The following ADAMTS20 variants were observed in gnomAD, a reference collection of about 807,000 sequenced individuals.
The protein encoded by ADAMTS20 is ADAM metallopeptidase with thrombospondin type 1 motif 20.
A neutral mutation model predicts 260.1 loss-of-function variants in ADAMTS20; 225 were observed. The ratio of observed to expected loss-of-function variants is 0.87; its 90% CI spans 0.78 to 0.97. The LOEUF is 0.97. Among genes scored for constraint, ADAMTS20 ranks in the 50% least tolerant of loss-of-function variants. The pLI, the probability that ADAMTS20 is intolerant of heterozygous loss-of-function variation, is 0.00. For missense variants in ADAMTS20, 2,400 were observed against 2,337.7 expected (o/e 1.03, Z -0.55); for synonymous variants, 802 against 769.5 (o/e 1.04, Z -0.70).
At chr12:43,431,289 G>T in intron 22 of ADAMTS20, 43 bp downstream of exon 22, 1 of 1,593,348 alleles carries the variant, frequency 6.3e-7, no homozygotes, top group Non-Finnish European at 8.6e-7. Flanking sequence ...GTGCTATTCT[G>T]TAAAGATAGA....
intron 29 of ADAMTS20, among the ~76,000 whole-genome samples, chr12:43,397,417 A>T (rs770255863): frequency 6.6e-6 from 1 of 152,182 alleles, no homozygotes; most frequent in African/African-American, 2.4e-5. Context: ...ATGTGAATGT[A>T]AATAATGGCC....
chr12:43,429,038 T>A (rs1156580015), intron 24 of ADAMTS20, among the ~76,000 whole-genome samples: 2 of 152,054 alleles, frequency 1.3e-5, no homozygotes, highest in Non-Finnish European at 2.9e-5. Flanking sequence ...AATACATAAA[T>A]ATAATGATTT....
At position 43,502,410 on chromosome 12, in the gene ADAMTS20, G is replaced by C; in HGVS notation, c.614-5C>G. 1 of 1,569,028 alleles carries C rather than the reference G, an allele frequency of 6.4e-7. No individual in the cohort carries two copies. The highest frequency in any genetic ancestry group is 1.2e-5 in the South Asian group (1 of 81,604). On this transcript the variant is annotated splice_polypyrimidine_tract_variant and splice_region_variant and intron_variant, in intron 3 of 38. Transcript: ENST00000389420. The stretch of plus-strand genomic sequence containing the variant: ...TGGTTTCCTTTATTTGACTTTCTAG[G>C]GAGAAAAAAAGAATATAATGCAGAG...
intron 37 of ADAMTS20, among the ~76,000 whole-genome samples, chr12:43,362,641 T>C (rs1939895818): frequency 6.6e-6 from 1 of 152,058 alleles, no homozygotes; most frequent in African/African-American, 2.4e-5. Context: ...GTCTCTGAAA[T>C]TTGTTCTATG....
chr12:43,413,196 T>G lies in ADAMTS20; in HGVS notation c.4284+12318A>C, dbSNP rs965408783. Among the ~76,000 whole-genome samples the G allele has an allele frequency of 7.2e-5, 11 of 152,204 alleles. No homozygotes were observed. In the South Asian group the frequency reaches 1.2e-3, roughly 17 times the overall value. On this transcript the variant is annotated intron_variant, in intron 28 of 38. Coordinates refer to ENST00000389420, the MANE Select transcript of ADAMTS20 (RefSeq NM_025003.5). ...AAGAACAGTCACATCATTTACACAT[T>G]ATCATTTACACATGATCATTCACAC...
At chr12:43,475,645 G>A (rs534915369) in intron 7 of ADAMTS20, among the ~76,000 whole-genome samples, 2 of 151,558 alleles carry the variant, frequency 1.3e-5, no homozygotes, top group Non-Finnish European at 2.9e-5. Context: ...CCAAAACAGA[G>A]ATATAGATCA....
At chr12:43,487,715 CA>C (rs1942544278) in intron 7 of ADAMTS20, among the ~76,000 whole-genome samples, 1 of 152,106 alleles carries the variant, frequency 6.6e-6, no homozygotes. Context: ...GAGAACTTGA[CA>C]TGCTGATTCT....
At chr12:43,527,317 C>G (rs1943156952) in intron 3 of ADAMTS20, among the ~76,000 whole-genome samples, 1 of 152,028 alleles carries the variant, frequency 6.6e-6, no homozygotes, top group South Asian at 2.1e-4. Context: ...AATTGAGAAA[C>G]AGGGAATCCT....
intron 28 of ADAMTS20, among the ~76,000 whole-genome samples, chr12:43,412,627 T>G (rs1402842605): frequency 6.6e-6 from 1 of 152,058 alleles, no homozygotes; most frequent in Non-Finnish European, 1.5e-5. Context: ...GGATCCCATT[T>G]GAGCCACTAT....
chr12:43,539,043 C>T (rs1268070219), intron 2 of ADAMTS20, among the ~76,000 whole-genome samples: 1 of 151,590 alleles, frequency 6.6e-6, no homozygotes, highest in Non-Finnish European at 1.5e-5. Context: ...ACCTCCACCA[C>T]CCGGGTTCAA....
At chr12:43,391,972 G>A (rs1259335882) in intron 29 of ADAMTS20, among the ~76,000 whole-genome samples, 1 of 152,054 alleles carries the variant, frequency 6.6e-6, no homozygotes, top group Non-Finnish European at 1.5e-5. Flanking sequence ...TACTTATGAA[G>A]TAAAATATAA....
At chr12:43,399,349 G>C in intron 28 of ADAMTS20, 116 bp from the exon 29 acceptor site, 1 of 918,678 alleles carries the variant, frequency 1.1e-6, no homozygotes, top group East Asian at 3.1e-5. Flanking sequence ...TTTTTATGAA[G>C]ATATGCTCTA....
At chr12:43,394,569 T>G (rs1940661711) in intron 29 of ADAMTS20, among the ~76,000 whole-genome samples, 3 of 152,142 alleles carry the variant, frequency 2.0e-5, no homozygotes, top group Non-Finnish European at 4.4e-5. Context: ...ATTTTTACAT[T>G]AAAAACTTGC....
rs1349758909 is a variant in ADAMTS20 at position 43,405,416 on chromosome 12, TCTA to T, written c.4285-6186_4285-6184del. On this transcript the variant is annotated intron_variant, in intron 28 of 38. Transcript: ENST00000389420. ...CTGGGCAACAGAAGAAGACGTCTTC[TCTA>T]ATAATAATAATAATAATAATAATAA... Among the ~76,000 whole-genome samples the T allele has an allele frequency of 1.1e-4, 8 of 70,026 alleles. No individual in the cohort carries two copies. In the South Asian group the frequency reaches 1.5e-3, roughly 13 times the overall value. The allele number at this position is 70,026 out of a possible 152,430, so 45.9% of individuals were successfully genotyped here.
chr12:43,444,618 T>C (rs1188260973), intron 15 of ADAMTS20, among the ~76,000 whole-genome samples: 1 of 152,166 alleles, frequency 6.6e-6, no homozygotes, highest in Non-Finnish European at 1.5e-5. Flanking sequence ...AAAAACATTT[T>C]CATGAAAACT....
At chr12:43,416,828 A>T (rs1439240625) in intron 28 of ADAMTS20, among the ~76,000 whole-genome samples, 1 of 152,024 alleles carries the variant, frequency 6.6e-6, no homozygotes, top group Non-Finnish European at 1.5e-5. Flanking sequence ...GGCCAAACTG[A>T]ACTACTTTTT....
At chr12:43,488,142 T>C (rs532632657) in intron 7 of ADAMTS20, among the ~76,000 whole-genome samples, 4 of 151,998 alleles carry the variant, frequency 2.6e-5, no homozygotes, top group Non-Finnish European at 4.4e-5. Context: ...GTGGTTCAAT[T>C]TGGGGAGTTG....
At chr12:43,535,965 A>G (rs145525681) in intron 2 of ADAMTS20, among the ~76,000 whole-genome samples, 2 of 152,258 alleles carry the variant, frequency 1.3e-5, no homozygotes, top group East Asian at 1.9e-4. Context: ...TAAATGGTCA[A>G]TTTATGTAGA....
At chr12:43,381,276 T>C (rs1940344236) in intron 31 of ADAMTS20, among the ~76,000 whole-genome samples, 1 of 152,122 alleles carries the variant, frequency 6.6e-6, no homozygotes, top group Non-Finnish European at 1.5e-5. Flanking sequence ...AAAACATAGA[T>C]ATATATCTTT....
Sources: gnomAD v4.1 joint callset for allele counts (sites outside exome capture counted in the v4.1 genomes callset) on GRCh38, gnomAD v4.1.1 for gene constraint, MANE v1.5 for transcripts, NCBI Gene and HGNC (gene_info 2026-07-23, HGNC 2026-07-21) for gene names.